LRRC9: variants seen among roughly 807,000 people sequenced by gnomAD.
The protein encoded by LRRC9 is leucine-rich repeat-containing protein 9.
A neutral mutation model predicts 63.2 loss-of-function variants in LRRC9; 122 were observed. The observed-to-expected ratio is 1.93, with a 90% CI of 1.67 to 2.24. The LOEUF (loss-of-function observed/expected upper bound fraction) is 2.24, where lower values mean the gene tolerates loss of function less well. LRRC9 is among the 30% of genes most tolerant of loss of function. The pLI is 0.00. For missense variants in LRRC9, 1,071 were observed against 627.7 expected (o/e 1.71, Z -7.55); for synonymous variants, 366 against 213.1 (o/e 1.72, Z -6.25).
At chr14:60,041,290 A>T (rs1232554495) in intron 29 of LRRC9, among the ~76,000 whole-genome samples, 1 of 152,024 alleles carries the variant, frequency 6.6e-6, no homozygotes, top group East Asian at 1.9e-4. Flanking sequence ...TATTTCCTGA[A>T]TTTTAATGTT....
intron 8 of LRRC9, among the ~76,000 whole-genome samples, chr14:59,954,739 C>T (rs1374261795): frequency 6.8e-6 from 1 of 148,100 alleles, no homozygotes; most frequent in African/African-American, 2.4e-5. Flanking sequence ...TCTTCTACAA[C>T]ACTTCCAGCT....
chr14:60,044,971 G>C (rs1893283397), intron 29 of LRRC9, among the ~76,000 whole-genome samples: 1 of 150,148 alleles, frequency 6.7e-6, no homozygotes, highest in South Asian at 2.1e-4. Flanking sequence ...GAGCACTAGT[G>C]TTCAGTGCAT....
intron 29 of LRRC9, among the ~76,000 whole-genome samples, chr14:60,036,804 T>C (rs1163262745): frequency 6.6e-6 from 1 of 152,122 alleles, no homozygotes; most frequent in Non-Finnish European, 1.5e-5. Context: ...CTAGGGTACA[T>C]GTGCACAACG....
chr14:59,984,878 C>T (rs1887293900), intron 16 of LRRC9, among the ~76,000 whole-genome samples: 1 of 152,294 alleles, frequency 6.6e-6, no homozygotes, highest in Middle Eastern at 3.4e-3. Context: ...TCATATTAAT[C>T]AAGAACCAGG....
chr14:59,956,608 CT>C (rs1351564301), intron 8 of LRRC9, among the ~76,000 whole-genome samples: 1 of 152,108 alleles, frequency 6.6e-6, no homozygotes, highest in Non-Finnish European at 1.5e-5. Context: ...CAGTCTGTGC[CT>C]TTTAATTGGG....
chr14:60,036,112 C>G (rs1193345539), intron 29 of LRRC9, among the ~76,000 whole-genome samples: 2 of 152,068 alleles, frequency 1.3e-5, no homozygotes, highest in Non-Finnish European at 2.9e-5. Context: ...CTGGTCTCTT[C>G]TATACTCCTC....
chr14:60,009,177 T>C (rs1486835962), intron 23 of LRRC9, among the ~76,000 whole-genome samples: 1 of 152,212 alleles, frequency 6.6e-6, no homozygotes, highest in Admixed American at 6.5e-5. Context: ...AAAAAACATT[T>C]ACCGCTAAGG....
At position 59,974,668 on chromosome 14, in the gene LRRC9, T is replaced by C. The variant is rs1329754887; in HGVS notation, c.1599T>C (p.Asp533=). ...AATTTTTACAGCAAAAGCACAAAGATGAGAAGAAAATCTCTCTTAAGCATG... is the reference window on the plus strand; with the variant it reads ...AATTTTTACAGCAAAAGCACAAAGACGAGAAGAAAATCTCTCTTAAGCATG... Residue 533 remains aspartate, a synonymous_variant, in exon 13 of 32, where the codon GAT becomes GAC. Transcript: ENST00000445360. 7.3e-6 allele frequency: 5 copies of C among 688,716 alleles called. No homozygotes were observed. In the Admixed American group the frequency reaches 1.0e-4, roughly 14 times the overall value. The allele number at this position is 688,716 out of a possible 1,614,324, so 42.7% of individuals were successfully genotyped here. A position where few individuals can be genotyped will look rare whatever the true frequency, so the allele number is the denominator to read the frequency against.
intron 17 of LRRC9, among the ~76,000 whole-genome samples, chr14:59,985,801 C>T (rs1046541789): frequency 9.2e-5 from 14 of 152,230 alleles, no homozygotes; most frequent in African/African-American, 3.4e-4. Flanking sequence ...TTCTCTAAAA[C>T]AGGTCTTAGG....
At chr14:59,997,435 A>G (rs1888916569) in intron 17 of LRRC9, among the ~76,000 whole-genome samples, 1 of 152,108 alleles carries the variant, frequency 6.6e-6, no homozygotes, top group Non-Finnish European at 1.5e-5. Flanking sequence ...TCGGTGTTAC[A>G]AGGGTAAAAT....
intron 29 of LRRC9, among the ~76,000 whole-genome samples, chr14:60,043,724 C>T (rs967776889): frequency 7.0e-6 from 1 of 141,994 alleles, no homozygotes; most frequent in Non-Finnish European, 1.5e-5. Context: ...CATCTATATT[C>T]ATCAGTGAGC....
intron 29 of LRRC9, among the ~76,000 whole-genome samples, chr14:60,045,312 C>G (rs1893323123): frequency 6.6e-6 from 1 of 152,014 alleles, no homozygotes; most frequent in Admixed American, 6.6e-5. Flanking sequence ...GCAGGATGTG[C>G]AGGTCTGTTA....
rs983348157 is a variant in LRRC9 at position 59,923,726 on chromosome 14, G to A, written c.-34+3843G>A. ...GAAGCTGAGGTGGGTGGATCACGAG[G>A]TCTGGAGATCAAGACCATCCTGGCT... On this transcript the variant is annotated intron_variant, in intron 1 of 31. Coordinates refer to ENST00000445360, the Ensembl canonical transcript of LRRC9. This position sits in a 1 kb window ranked among gnomAD's most constrained non-coding sequence, Gnocchi z 4.2. Among the ~76,000 whole-genome samples, 4 of 152,220 alleles carry A rather than the reference G, an allele frequency of 2.6e-5. No individual in the cohort carries two copies. The highest frequency in any genetic ancestry group is 2.1e-4 in the South Asian group (1 of 4,834).
At chr14:60,022,796 G>C (rs945097951) in exon 27 of LRRC9, 5 of 688,094 alleles carry the variant, frequency 7.3e-6, no homozygotes, top group Non-Finnish European at 1.3e-5. Flanking sequence ...CTTCATTTGG[G>C]CTACAATGGA....
Position 60,040,690 on chromosome 14 carries a change from C to T in LRRC9, c.3990+8627C>T, listed in dbSNP as rs144260700. 3.4e-3 allele frequency among the ~76,000 whole-genome samples: 515 copies of T among 151,944 alleles called. 17 individuals are homozygous for T. The East Asian group carries it at 0.058, about 17-fold the overall frequency. The stretch of plus-strand genomic sequence containing the variant: ...GATGGGTCTCCTGAATACAGCACAC[C>T]AATGGGTCTTAACTCTTTATCCAAT... On this transcript the variant is annotated intron_variant, in intron 29 of 31. Coordinates refer to ENST00000445360, the Ensembl canonical transcript of LRRC9.
At chr14:60,023,003 C>G (rs74059607) in intron 27 of LRRC9, 133 bp downstream of exon 27, 2 of 403,758 alleles carry the variant, frequency 5.0e-6, no homozygotes, top group East Asian at 3.6e-5. Flanking sequence ...TTAATAATCA[C>G]AAATTGATTT....
rs1259754786 is a variant in LRRC9 at position 60,051,265 on chromosome 14, A to G, written c.3991-1800A>G. ...GGAGAGATCAGGGTTCAGTGCATAT[A>G]AGACTGGCTGGAGTGACTCCAGGCC... is the stretch of plus-strand genomic sequence containing the variant. On this transcript the variant is annotated intron_variant, in intron 29 of 31. Transcript: ENST00000445360. The surrounding 1 kb of genome is among the most constrained non-coding windows in gnomAD (Gnocchi z 4.7). 6.6e-6 allele frequency among the ~76,000 whole-genome samples: 1 copy of G among 152,182 alleles called. No homozygotes were observed. The highest frequency in any genetic ancestry group is 1.5e-5 in the Non-Finnish European group (1 of 68,024).
chr14:60,037,865 G>C (rs573199307), intron 29 of LRRC9, among the ~76,000 whole-genome samples: 12 of 152,128 alleles, frequency 7.9e-5, no homozygotes, highest in Admixed American at 3.9e-4. Flanking sequence ...GAATGGTATT[G>C]TCTAGGTTTT....
At chr14:60,036,166 C>T (rs1354605760) in intron 29 of LRRC9, among the ~76,000 whole-genome samples, 1 of 152,094 alleles carries the variant, frequency 6.6e-6, no homozygotes, top group Non-Finnish European at 1.5e-5. Flanking sequence ...TCCTGATGAC[C>T]TCATCTAAAC....
Sources: allele counts gnomAD v4.1 joint callset (sites outside exome capture counted in the v4.1 genomes callset), GRCh38; gene constraint gnomAD v4.1.1; non-coding constraint Gnocchi (gnomAD v3.1); transcripts MANE v1.5; gene names NCBI Gene and HGNC (gene_info 2026-07-23, HGNC 2026-07-21).